The following TMLHE variants were observed in gnomAD, a reference collection of about 807,000 sequenced individuals.
TMLHE encodes the protein trimethyllysine hydroxylase, epsilon.
TMLHE carries 18 observed loss-of-function variants against 25.7 expected under a neutral mutation model. The observed-to-expected ratio is 0.70, with a 90% confidence interval of 0.48 to 1.04. The LOEUF (loss-of-function observed/expected upper bound fraction) is 1.04. Among genes scored for constraint, TMLHE ranks in the 50% least tolerant of loss-of-function variants. The probability of loss-of-function intolerance (pLI) is 0.00; values close to 1 mark genes in which losing one functional copy is unlikely to be tolerated. For synonymous variants in TMLHE, 105 were observed against 97.0 expected, an observed-to-expected ratio of 1.08 and a Z score of -0.49; for missense variants, 236 against 259.0, an observed-to-expected ratio of 0.91 and a Z score of 0.61.
At chrX:155,522,978 T>G (rs1460063375) in intron 3 of TMLHE, among the ~76,000 whole-genome samples, 1 of 111,217 alleles carries the variant, frequency 9.0e-6, no homozygotes, top group African/African-American at 3.3e-5. Flanking sequence ...AAGCAATGTA[T>G]GAGTGATAGA....
At position 155,516,173 on chromosome X, in the gene TMLHE, C is replaced by T. The variant is rs1369409772; in HGVS notation, c.359-1908G>A. On this transcript the variant is annotated intron_variant, in intron 3 of 7. Coordinates refer to ENST00000334398, the MANE Select transcript of TMLHE (RefSeq NM_018196.4). The stretch of plus-strand genomic sequence containing the variant: ...CCAATGCTATCCCTCCCCCCTCCCC[C>T]GACCCCACCACAGTCCCCAGAGTGT... Among the ~76,000 whole-genome samples, 73 of 40,550 alleles carry T rather than the reference C, an allele frequency of 1.8e-3. 1 individual carries two copies. The highest frequency in any genetic ancestry group is 5.4e-3 in the African/African-American group (62 of 11,384). The allele number at this position is 40,550 out of a possible 115,157, so 35.2% of individuals were successfully genotyped here. A position where few individuals can be genotyped will look rare whatever the true frequency, so the allele number is the denominator to read the frequency against.
At chrX:155,544,513 G>T (rs1199208957) in intron 2 of TMLHE, among the ~76,000 whole-genome samples, 1 of 111,809 alleles carries the variant, frequency 8.9e-6, no homozygotes, top group Non-Finnish European at 1.9e-5. Flanking sequence ...CCCAAAGGGA[G>T]CATGGCCTTA....
chrX:155,525,725 A>G (rs1168157112), intron 2 of TMLHE, among the ~76,000 whole-genome samples: 2 of 112,020 alleles, frequency 1.8e-5, no homozygotes, highest in African/African-American at 6.5e-5. Context: ...TCAGATAGAG[A>G]TGAGGAACTT....
In TMLHE at chrX:155,512,402, A is replaced by C. The variant is rs1185140913; in HGVS notation, c.639-610T>G. Among the ~76,000 whole-genome samples the C allele has an allele frequency of 1.6e-4, 16 of 100,648 alleles. No homozygotes were observed. The Admixed American group carries it at 1.8e-3, about 11-fold the overall frequency. 87.4% of individuals were successfully genotyped at this position (100,648 alleles called of 115,157 possible). On this transcript the variant is annotated intron_variant, in intron 4 of 7. Coordinates refer to ENST00000334398, the MANE Select transcript of TMLHE (RefSeq NM_018196.4). ...TCTCATTGTTCAATTCCCACCTATG[A>C]GTGAGAATATGCGGTGTTTGGTTTT...
At chrX:155,543,929 T>C (rs781906033) in intron 2 of TMLHE, among the ~76,000 whole-genome samples, 2 of 112,243 alleles carry the variant, frequency 1.8e-5, no homozygotes, top group Non-Finnish European at 3.8e-5. Context: ...AAGCATTAAA[T>C]TTCTCTAGTG....
At chrX:155,537,826 G>A (rs1488738486) in intron 2 of TMLHE, among the ~76,000 whole-genome samples, 14 of 110,928 alleles carry the variant, frequency 1.3e-4, no homozygotes, top group East Asian at 2.8e-4. Context: ...AATTGCTGGA[G>A]AAAAATTTTT....
intron 1 of TMLHE, among the ~76,000 whole-genome samples, chrX:155,562,215 G>T (rs1218289421): frequency 1.6e-5 from 1 of 61,856 alleles, no homozygotes; most frequent in South Asian, 9.6e-4. Flanking sequence ...CTCAATTCTT[G>T]CCTTCTGTGC....
intron 5 of TMLHE, among the ~76,000 whole-genome samples, chrX:155,509,867 A>G: frequency 8.9e-6 from 1 of 112,080 alleles, no homozygotes; most frequent in Non-Finnish European, 1.9e-5. Flanking sequence ...AGAACACGGA[A>G]TAACCACAGA....
chrX:155,512,169 TATTA>T (rs1331010852), intron 4 of TMLHE, among the ~76,000 whole-genome samples: 72 of 111,177 alleles, frequency 6.5e-4, no homozygotes, highest in African/African-American at 2.3e-3. Flanking sequence ...TATTTTATTT[TATTA>T]ATTATTATTA....
rs2067340728 is a variant in TMLHE, at chrX:155,545,756, G to T, written c.-1-479C>A. 2.7e-5 allele frequency among the ~76,000 whole-genome samples: 3 copies of T among 111,325 alleles called. No homozygotes were observed. In the Admixed American group the frequency reaches 2.9e-4, roughly 11 times the overall value. ...CAGCGTTATGTTACAATTGCCTACA[G>T]TATTCAGTACAGTCACATGCTATAC... On this transcript the variant is annotated intron_variant, in intron 1 of 7. Transcript: ENST00000334398.
At chrX:155,585,029 C>G (rs187618932) in intron 1 of TMLHE, among the ~76,000 whole-genome samples, 36 of 111,380 alleles carry the variant, frequency 3.2e-4, no homozygotes, top group Non-Finnish European at 6.2e-4. Flanking sequence ...ACCAAAATAA[C>G]AAACAATAAG....
intron 3 of TMLHE, among the ~76,000 whole-genome samples, chrX:155,522,680 T>C (rs1428178179): frequency 1.8e-5 from 2 of 112,102 alleles, no homozygotes; most frequent in African/African-American, 3.2e-5. Context: ...CATAATGTAA[T>C]TGAGGTTCTT....
intron 1 of TMLHE, among the ~76,000 whole-genome samples, chrX:155,548,545 C>T (rs1225447127): frequency 9.3e-6 from 1 of 107,421 alleles, no homozygotes; most frequent in Non-Finnish European, 1.9e-5. Flanking sequence ...GCCAGCCTGA[C>T]TAACATGGTG....
At chrX:155,559,873 A>G (rs1179994241) in intron 1 of TMLHE, among the ~76,000 whole-genome samples, 1 of 112,030 alleles carries the variant, frequency 8.9e-6, no homozygotes, top group Non-Finnish European at 1.9e-5. Context: ...TGCCAGATTA[A>G]TCTTCTTAAA....
chrX:155,558,703 T>G (rs2067475067), intron 1 of TMLHE, among the ~76,000 whole-genome samples: 1 of 111,990 alleles, frequency 8.9e-6, no homozygotes, highest in Admixed American at 9.5e-5. Flanking sequence ...ATCAAAAAAT[T>G]CATCCTTTGC....
chrX:155,513,334 C>T (rs890236272), intron 4 of TMLHE, among the ~76,000 whole-genome samples: 38 of 111,573 alleles, frequency 3.4e-4, no homozygotes, highest in African/African-American at 1.1e-3. Context: ...TATTTGAATT[C>T]AAGTTCTATT....
At chrX:155,548,604 A>ATGGTGGTG (rs1389739580) in intron 1 of TMLHE, among the ~76,000 whole-genome samples, 6 of 107,245 alleles carry the variant, frequency 5.6e-5, no homozygotes, top group Admixed American at 9.7e-5. Context: ...GTGTGGTGGC[A>ATGGTGGTG]CACACCTGTA....
chrX:155,608,047 T>TA (rs202095747), intron 1 of TMLHE, among the ~76,000 whole-genome samples: 3 of 111,542 alleles, frequency 2.7e-5, no homozygotes, highest in African/African-American at 6.5e-5. Context: ...TTCACATAAT[T>TA]AAAAAAAATT....
intron 4 of TMLHE, 123 bp from the exon 5 acceptor site, chrX:155,511,915 A>G: frequency 1.4e-6 from 1 of 695,751 alleles, no homozygotes; most frequent in South Asian, 4.0e-5. Context: ...TGGTTCCAGA[A>G]TTTAATCCAT....
Sources: gnomAD v4.1 joint callset for allele counts (sites outside exome capture counted in the v4.1 genomes callset) on GRCh38, gnomAD v4.1.1 for gene constraint, MANE v1.5 for transcripts, NCBI Gene and HGNC (gene_info 2026-07-23, HGNC 2026-07-21) for gene names.